The following ZMYM2 variants were observed in gnomAD, a reference collection of about 807,000 sequenced individuals.
The protein encoded by ZMYM2 is zinc finger MYM-type containing 2.
Under a neutral mutation model 162.8 loss-of-function variants are expected in ZMYM2, and 56 were observed. That is an observed-to-expected ratio of 0.34 (90% CI 0.28 to 0.43). The LOEUF (loss-of-function observed/expected upper bound fraction) is 0.43, where lower values mean the gene tolerates loss of function less well. Ranked by LOEUF, ZMYM2 falls within the 20% of genes least tolerant of loss-of-function variation. The pLI is 1.00. For synonymous variants in ZMYM2, 510 were observed against 541.6 expected (o/e 0.94, Z 0.81); for missense variants, 1,275 against 1,621.8 (o/e 0.79, Z 3.67).
chr13:20,068,361 A>C (rs1048852243), intron 21 of ZMYM2: 1 of 172,274 alleles, frequency 5.8e-6, no homozygotes, highest in African/African-American at 2.4e-5. Context: ...AAGGATTGTG[A>C]AGCTGTTGTT....
At chr13:19,995,036 A>G (rs1399466488) in intron 3 of ZMYM2, among the ~76,000 whole-genome samples, 1 of 149,252 alleles carries the variant, frequency 6.7e-6, no homozygotes, top group Non-Finnish European at 1.5e-5. Context: ...GTAGAGACGG[A>G]GTCTTACTGT....
rs759302885 is a variant in ZMYM2, at chr13:19,993,391, G to GCAT, written c.321_323dup (p.Ser108dup). On this transcript the variant is annotated inframe_insertion, in exon 3 of 25. Coordinates refer to ENST00000610343, the MANE Select transcript of ZMYM2 (RefSeq NM_197968.4). Reference sequence around the variant, plus strand: ...AATTACTCCTTCCTCAAAAGAGTTGGCATCTCAGAAGGGAAGTGTAAGTGA... The same window carrying GCAT: ...AATTACTCCTTCCTCAAAAGAGTTGGCATCATCTCAGAAGGGAAGTGTAAGTGA... 5 of 1,613,670 alleles carry GCAT rather than the reference G, an allele frequency of 3.1e-6. No homozygotes were observed. In the African/African-American group the frequency reaches 6.7e-5, roughly 22 times the overall value.
At chr13:19,964,653 G>A (rs903772426) in intron 2 of ZMYM2, among the ~76,000 whole-genome samples, 10 of 151,524 alleles carry the variant, frequency 6.6e-5, no homozygotes, top group South Asian at 2.1e-4. Context: ...AATTTAGACC[G>A]TTCTCTTTAA....
the ZMYM2 span, among the ~76,000 whole-genome samples, chr13:19,885,957 A>ATATATGTG: frequency 1.1e-5 from 1 of 88,038 alleles, no homozygotes; most frequent in Non-Finnish European, 2.7e-5. Flanking sequence ...ATATACACAT[A>ATATATGTG]TATATGTGTA....
upstream of ZMYM2, among the ~76,000 whole-genome samples, chr13:19,958,197 C>G (rs1056149015): frequency 2.0e-5 from 3 of 151,820 alleles, no homozygotes; most frequent in East Asian, 5.8e-4. Context: ...CCCGCTCCAG[C>G]GCCTCCCCGG....
Position 20,086,071 on chromosome 13 carries a change from G to C in ZMYM2, c.*57G>C. The C allele has an allele frequency of 6.5e-7, 1 of 1,530,610 alleles. No individual in the cohort carries two copies. Among genetic ancestry groups the C allele is most frequent in the East Asian group, 2.3e-5 (1 of 44,238 alleles). 94.8% of individuals were successfully genotyped at this position (1,530,610 alleles called of 1,614,324 possible). On this transcript the variant is annotated 3_prime_UTR_variant, in exon 25 of 25. Coordinates refer to ENST00000610343, the MANE Select transcript of ZMYM2 (RefSeq NM_197968.4). Reference sequence around the variant, plus strand: ...ACAGCATTAGATAGTCATGCTGCTAGATCTTTATTATGGAAAACATTTCAA... The same window carrying C: ...ACAGCATTAGATAGTCATGCTGCTACATCTTTATTATGGAAAACATTTCAA...
chr13:20,059,059 A>G (rs1956030868), intron 15 of ZMYM2: 1 of 406,146 alleles, frequency 2.5e-6, no homozygotes, highest in African/African-American at 2.1e-5. Context: ...TTCCTGTCAG[A>G]ATGAGGTGAA....
In ZMYM2 at chr13:19,993,619, C is replaced by A. The variant is rs1243064687; in HGVS notation, c.547C>A (p.Gln183Lys). The change falls in exon 3 of 25, where the codon CAG becomes AAG. Residue 183 changes from glutamine (Q) to lysine (K), a missense_variant. Physicochemically the swap from Gln to Lys is moderately conservative, Grantham distance 53. Around this residue, in one of 10 missense-constraint regions of ZMYM2, gnomAD observed 295 missense variants for 286.7 expected, o/e 1.03. Transcript: ENST00000610343. ...GITTEPDSEI[Q>K]IANVTTLETG... Reference sequence around the variant, plus strand: ...CACCACAGAACCAGACTCTGAAATTCAGATTGCTAATGTTACAACTTTAGA... The same window carrying A: ...CACCACAGAACCAGACTCTGAAATTAAGATTGCTAATGTTACAACTTTAGA... 6.2e-7 allele frequency: 1 copy of A among 1,614,010 alleles called. No homozygotes were observed. The highest frequency in any genetic ancestry group is 1.3e-5 in the African/African-American group (1 of 74,930).
chr13:19,970,917 A>G (rs2038691), intron 2 of ZMYM2, among the ~76,000 whole-genome samples: 149,519 of 152,130 alleles, frequency 0.98, 73,529 homozygotes, highest in Middle Eastern at 1. Flanking sequence ...TTTTCTTTGA[A>G]AGAGAGACAT....
At chr13:20,072,433 A>G (rs2140942883) in intron 21 of ZMYM2, among the ~76,000 whole-genome samples, 1 of 152,300 alleles carries the variant, frequency 6.6e-6, no homozygotes, top group South Asian at 2.1e-4. Flanking sequence ...AGGCTGGAGA[A>G]TTGCTTGAAC....
chr13:19,959,499 G>C (rs979626396), intron 1 of ZMYM2, among the ~76,000 whole-genome samples: 5 of 152,266 alleles, frequency 3.3e-5, no homozygotes, highest in African/African-American at 7.2e-5. Context: ...CGACTGCAGG[G>C]GGGGGCAAAC....
At chr13:19,896,494 C>T in the ZMYM2 span, among the ~76,000 whole-genome samples, 3 of 150,746 alleles carry the variant, frequency 2.0e-5, no homozygotes, top group Admixed American at 6.6e-5. Flanking sequence ...TGGTGGCTCA[C>T]GCCTGTAATC....
At chr13:19,962,278 A>G (rs1002087933) in intron 2 of ZMYM2, among the ~76,000 whole-genome samples, 2 of 152,018 alleles carry the variant, frequency 1.3e-5, no homozygotes, top group African/African-American at 4.8e-5. Flanking sequence ...GACAAAGTGA[A>G]TCTTTACCTT....
At chr13:19,945,599 T>C in the ZMYM2 span, among the ~76,000 whole-genome samples, 4 of 152,182 alleles carry the variant, frequency 2.6e-5, no homozygotes, top group African/African-American at 7.2e-5. Context: ...TATTAATTTA[T>C]TGGTCTACTT....
the ZMYM2 span, among the ~76,000 whole-genome samples, chr13:19,876,457 C>T: frequency 6.6e-6 from 1 of 151,998 alleles, no homozygotes; most frequent in Non-Finnish European, 1.5e-5. Context: ...TGAGTAGCTG[C>T]GACTACAGGC....
intron 2 of ZMYM2, among the ~76,000 whole-genome samples, chr13:19,974,218 C>G (rs912957084): frequency 1.4e-4 from 22 of 152,182 alleles, no homozygotes; most frequent in Non-Finnish European, 2.6e-4. Flanking sequence ...AGGCAAACCA[C>G]TGTTGTCATT....
chr13:20,052,114 A>G (rs1394677089), intron 13 of ZMYM2, among the ~76,000 whole-genome samples, 163 bp from the exon 14 acceptor site: 4 of 152,150 alleles, frequency 2.6e-5, no homozygotes, highest in Non-Finnish European at 2.9e-5. Flanking sequence ...ATTTACCTGT[A>G]TATTTCTATA....
the ZMYM2 span, among the ~76,000 whole-genome samples, chr13:19,900,503 C>T: frequency 1.3e-5 from 2 of 152,168 alleles, no homozygotes; most frequent in African/African-American, 4.8e-5. Flanking sequence ...TTCTACCAAA[C>T]ATTATATTTA....
intron 11 of ZMYM2, 121 bp from the exon 12 acceptor site, chr13:20,036,616 C>A: frequency 1.5e-6 from 1 of 680,812 alleles, no homozygotes; most frequent in Non-Finnish European, 2.2e-6. Flanking sequence ...ATATTGATTA[C>A]AGTAGATTTT....
Sources: gnomAD v4.1 joint callset for allele counts (sites outside exome capture counted in the v4.1 genomes callset) on GRCh38, gnomAD v4.1.1 for gene constraint, gnomAD v4.1.1 regional missense constraint, MANE v1.5 for transcripts, NCBI Gene and HGNC (gene_info 2026-07-23, HGNC 2026-07-21) for gene names.